KCNN1: variants seen among roughly 807,000 people sequenced by gnomAD.
The protein encoded by KCNN1 is potassium calcium-activated channel subfamily N member 1, also known as small conductance calcium-activated potassium channel protein 1.
Under a neutral mutation model 44.7 loss-of-function variants are expected in KCNN1, and 20 were observed. The observed-to-expected ratio is 0.45, with a 90% confidence interval of 0.32 to 0.65. The LOEUF is 0.65. KCNN1 is among the 30% of genes least tolerant of loss of function. The probability of loss-of-function intolerance (pLI) is 0.05; values close to 1 mark genes in which losing one functional copy is unlikely to be tolerated. For synonymous variants in KCNN1, 324 were observed against 341.7 expected (o/e 0.95, Z 0.57); for missense variants, 632 against 785.3 (o/e 0.80, Z 2.33).
chr19:17,969,189 C>T (rs937688909), intron 1 of KCNN1, among the ~76,000 whole-genome samples: 2 of 152,116 alleles, frequency 1.3e-5, no homozygotes, highest in Non-Finnish European at 2.9e-5. Flanking sequence ...AGGCACTCAT[C>T]AGTTCTGTGC....
At position 17,989,750 on chromosome 19, in the gene KCNN1, C is replaced by T. The variant is rs767322620; in HGVS notation, c.1205C>T (p.Thr402Met). 12 of 1,613,822 alleles carry T rather than the reference C, an allele frequency of 7.4e-6. No individual in the cohort carries two copies. The highest frequency in any genetic ancestry group is 1.0e-5 in the Non-Finnish European group (12 of 1,179,876). Residue 402 changes from threonine (T) to methionine (M), a missense_variant, in exon 7 of 10, where the codon ACG becomes ATG. This residue lies in a region of KCNN1 where 237 missense variants were observed against 253.0 expected (regional missense o/e 0.94). Transcript: ENST00000684775. ...KNAAANVLRE[T>M]WLIYKHTRLV... ...GCCGCTGCTAACGTTCTCAGGGAGA[C>T]GTGGCTCATCTACAAACATACCAGG...
At chr19:17,997,958 A>G (rs1212204802) in intron 9 of KCNN1, among the ~76,000 whole-genome samples, 194 bp from the exon 10 acceptor site, 1 of 150,498 alleles carries the variant, frequency 6.6e-6, no homozygotes, top group Non-Finnish European at 1.5e-5. Context: ...CCACTCTCCA[A>G]TCCTTCCCTG....
intron 3 of KCNN1, among the ~76,000 whole-genome samples, chr19:17,979,768 C>T (rs2032335361): frequency 6.6e-6 from 1 of 151,960 alleles, no homozygotes; most frequent in Non-Finnish European, 1.5e-5. Flanking sequence ...CCCTAGAACG[C>T]GCGGCCGCCA....
intron 3 of KCNN1, 39 bp from the exon 4 acceptor site, chr19:17,981,670 G>A (rs377424654): frequency 6.5e-7 from 1 of 1,537,288 alleles, no homozygotes. Flanking sequence ...CGCGGCGCGT[G>A]TCTGACACCC....
intron 7 of KCNN1, among the ~76,000 whole-genome samples, chr19:17,992,109 T>G (rs1410744231): frequency 1.3e-5 from 2 of 152,166 alleles, no homozygotes; most frequent in Non-Finnish European, 2.9e-5. Context: ...TCATTTGAGG[T>G]CAGGAGTTCA....
In KCNN1 at chr19:17,969,127, G is replaced by C. The variant is rs544917826; in HGVS notation, c.-82+1810G>C. Among the ~76,000 whole-genome samples, 359 of 152,166 alleles carry C rather than the reference G, an allele frequency of 2.4e-3. 2 individuals are homozygous for C. The highest frequency in any genetic ancestry group is 3.3e-3 in the Non-Finnish European group (225 of 67,988). ...GAGGGTCCCAGGGACTCCAGTGTTA[G>C]GCCCAGATTGCAGTGGGGGAGGGGA... On this transcript the variant is annotated intron_variant, in intron 1 of 9. Coordinates refer to ENST00000684775, the MANE Select transcript of KCNN1 (RefSeq NM_001386974.1).
In KCNN1 at chr19:17,955,826, G is replaced by A. The variant is rs1402623748; in HGVS notation, c.-82+1145G>A. 5.7e-5 allele frequency among the ~76,000 whole-genome samples: 8 copies of A among 139,258 alleles called. No homozygotes were observed. In the South Asian group the frequency reaches 1.6e-3, roughly 28 times the overall value. 91.4% of individuals were successfully genotyped at this position (139,258 alleles called of 152,430 possible). A position where few individuals can be genotyped will look rare whatever the true frequency, so the allele number is the denominator to read the frequency against. Reference sequence around the variant, plus strand: ...ACACAGCCTCTACTTCCCGGCTCTCGTGGTCTCGCTGGAGACAGCCCCCAG... The same window carrying A: ...ACACAGCCTCTACTTCCCGGCTCTCATGGTCTCGCTGGAGACAGCCCCCAG... On this transcript the variant is annotated intron_variant, in intron 2 of 10. Transcript: ENST00000222249.
chr19:17,980,463 C>T (rs1161279197), intron 3 of KCNN1, among the ~76,000 whole-genome samples: 7 of 151,880 alleles, frequency 4.6e-5, no homozygotes, highest in African/African-American at 1.7e-4. Flanking sequence ...GTTTTAGTTT[C>T]TCTTGAGTCT....
At chr19:17,958,375 G>A (rs1005391022) in intron 2 of KCNN1, among the ~76,000 whole-genome samples, 1 of 152,072 alleles carries the variant, frequency 6.6e-6, no homozygotes, top group African/African-American at 2.4e-5. Flanking sequence ...CTACTCAGGA[G>A]GCTGAGGTGG....
Position 18,000,070 on chromosome 19 carries a change from G to C in KCNN1, c.*1664G>C, listed in dbSNP as rs1324173696. Reference sequence around the variant, plus strand: ...GCTCAATAAATGCTCCTTCCCGCCTGAGGGATCACACTGGAGTCTTTGGCA... The same window carrying C: ...GCTCAATAAATGCTCCTTCCCGCCTCAGGGATCACACTGGAGTCTTTGGCA... On this transcript the variant is annotated 3_prime_UTR_variant, in exon 10 of 10. Coordinates refer to ENST00000684775, the MANE Select transcript of KCNN1 (RefSeq NM_001386974.1). 2.2e-6 allele frequency: 1 copy of C among 455,060 alleles called. No individual in the cohort carries two copies. The highest frequency in any genetic ancestry group is 2.0e-5 in the African/African-American group (1 of 50,032). 28.2% of individuals were successfully genotyped at this position (455,060 alleles called of 1,614,324 possible).
In KCNN1 at chr19:17,997,742, A is replaced by G. The variant is rs1208694167; in HGVS notation, c.1378-410A>G. Among the ~76,000 whole-genome samples, 4 of 151,958 alleles carry G rather than the reference A, an allele frequency of 2.6e-5. No homozygotes were observed. In the South Asian group the frequency reaches 8.3e-4, roughly 31 times the overall value. ...CGATTCGCCTGCCTCGGCCTCCCAA[A>G]GTGCTGGGATTACAGGCGTGAGCCA... On this transcript the variant is annotated intron_variant, in intron 9 of 9. Coordinates refer to ENST00000684775, the MANE Select transcript of KCNN1 (RefSeq NM_001386974.1).
intron 2 of KCNN1, among the ~76,000 whole-genome samples, chr19:17,960,433 C>T (rs1248756603): frequency 2.0e-5 from 3 of 152,104 alleles, no homozygotes; most frequent in Non-Finnish European, 4.4e-5. Context: ...AGTTCGAGAC[C>T]AGCCTGGCCA....
At position 17,974,404 on chromosome 19, in the gene KCNN1, G is replaced by T; in HGVS notation, c.402+114G>T. The T allele has an allele frequency of 8.2e-7, 1 of 1,220,988 alleles. No individual in the cohort carries two copies. The highest frequency in any genetic ancestry group is 1.1e-6 in the Non-Finnish European group (1 of 909,280). 75.6% of individuals were successfully genotyped at this position (1,220,988 alleles called of 1,614,324 possible). A position where few individuals can be genotyped will look rare whatever the true frequency, so the allele number is the denominator to read the frequency against. ...CCCGGGAGATAGGGAGTGTTAGGGG[G>T]CTCCCGGAGGTGAGGGCTCCCTGGC... On this transcript the variant is annotated intron_variant, in intron 2 of 9. Coordinates refer to ENST00000684775, the MANE Select transcript of KCNN1 (RefSeq NM_001386974.1). This position sits in a 1 kb window ranked among gnomAD's most constrained non-coding sequence, Gnocchi z 7.3.
At chr19:17,990,602 C>T (rs1363638194) in intron 7 of KCNN1, among the ~76,000 whole-genome samples, 1 of 151,172 alleles carries the variant, frequency 6.6e-6, no homozygotes, top group East Asian at 2.0e-4. Flanking sequence ...AGATCAAGAC[C>T]ATCCTGGCTA....
Position 17,998,421 on chromosome 19 carries a change from A to C in KCNN1, c.*15A>C. The stretch of plus-strand genomic sequence containing the variant: ...ACTGCGGGTGACGGCCCTGCCCGCC[A>C]CCAGACCCCTAAATCTTGGCCATCG... On this transcript the variant is annotated 3_prime_UTR_variant, in exon 10 of 10. Transcript: ENST00000684775. This position sits in a 1 kb window ranked among gnomAD's most constrained non-coding sequence, Gnocchi z 5.4. 4 of 1,463,206 alleles carry C rather than the reference A, an allele frequency of 2.7e-6. No homozygotes were observed. Among genetic ancestry groups the C allele is most frequent in the Non-Finnish European group, 3.6e-6 (4 of 1,114,710 alleles). The allele number at this position is 1,463,206 out of a possible 1,614,324, so 90.6% of individuals were successfully genotyped here. A position where few individuals can be genotyped will look rare whatever the true frequency, so the allele number is the denominator to read the frequency against.
At chr19:17,991,172 G>A (rs1431640657) in intron 7 of KCNN1, among the ~76,000 whole-genome samples, 3 of 151,534 alleles carry the variant, frequency 2.0e-5, no homozygotes, top group Non-Finnish European at 4.4e-5. Flanking sequence ...AAAATAAAGC[G>A]AGGCGTGGTG....
Position 17,974,289 on chromosome 19 carries a change from A to G in KCNN1, c.401A>G (p.Lys134Arg). The G allele has an allele frequency of 1.9e-6, 3 of 1,556,268 alleles. No homozygotes were observed. The highest frequency in any genetic ancestry group is 1.7e-6 in the Non-Finnish European group (2 of 1,148,610). The change falls in exon 2 of 10, where the codon AAG becomes AGG. Residue 134 changes from lysine to arginine, a missense_variant and splice_region_variant. By Grantham distance (26) the Lys-to-Arg change is conservative. Around this residue, in one of 3 missense-constraint regions of KCNN1, gnomAD observed 235 missense variants for 224.0 expected, o/e 1.05. Coordinates refer to ENST00000684775, the MANE Select transcript of KCNN1 (RefSeq NM_001386974.1). This position sits in a 1 kb window ranked among gnomAD's most constrained non-coding sequence, Gnocchi z 7.3. ...GAGCTGTCCTGGGGGGTGTACACCA[A>G]GGTAGGCGTGGTCCTCCCCCAGGCA... ...ETELSWGVYT[K>R]ESLYSFALKC...
At chr19:17,968,372 T>G (rs12977134) in intron 1 of KCNN1, among the ~76,000 whole-genome samples, 26,577 of 150,970 alleles carry the variant, frequency 0.18, 2,458 homozygotes, top group South Asian at 0.23. Context: ...TGCAAAGCAT[T>G]TGCCATGCGA....
At chr19:17,967,976 C>T (rs995879325) in intron 1 of KCNN1, among the ~76,000 whole-genome samples, 4 of 151,458 alleles carry the variant, frequency 2.6e-5, no homozygotes, top group African/African-American at 4.9e-5. Context: ...GGGTAGCCAG[C>T]GCCTTGCTGC....
Sources: allele counts gnomAD v4.1 joint callset (sites outside exome capture counted in the v4.1 genomes callset), GRCh38; gene constraint gnomAD v4.1.1; regional missense constraint gnomAD v4.1.1; non-coding constraint Gnocchi (gnomAD v3.1); transcripts MANE v1.5; gene names NCBI Gene and HGNC (gene_info 2026-07-23, HGNC 2026-07-21).